ZZZ3: variants seen among roughly 807,000 people sequenced by gnomAD.
The protein encoded by ZZZ3 is ZZ-type zinc finger-containing protein 3.
In ZZZ3, 22 loss-of-function variants were observed where a neutral mutation model predicts 95.2. The observed-to-expected ratio is 0.23, with a 90% CI of 0.17 to 0.33. ZZZ3 has a LOEUF of 0.33. Ranked by LOEUF, ZZZ3 falls within the 10% of genes least tolerant of loss-of-function variation. ZZZ3 has a pLI of 1.00. For synonymous variants in ZZZ3, 335 were observed against 358.9 expected, an observed-to-expected ratio of 0.93 and a Z score of 0.75; for missense variants, 885 against 1,066.5, an observed-to-expected ratio of 0.83 and a Z score of 2.37.
intron 1 of ZZZ3, among the ~76,000 whole-genome samples, chr1:77,667,596 C>T (rs561934427): frequency 6.6e-6 from 1 of 152,056 alleles, no homozygotes; most frequent in Admixed American, 6.6e-5. Context: ...TTCTTTTTTT[C>T]CTCCCCATTT....
rs115001363 is a variant in ZZZ3 at position 77,661,078 on chromosome 1, T to C, written c.-402-19423A>G. Among the ~76,000 whole-genome samples the C allele has an allele frequency of 3.4e-3, 512 of 149,766 alleles. 2 individuals carry two copies. Among genetic ancestry groups the C allele is most frequent in the African/African-American group, 0.011 (440 of 40,686 alleles). ...CGCAAAAAAAAAAAAAAAAAAATCA[T>C]TGAATGCCCTTTAGGAAAATCACTC... On this transcript the variant is annotated intron_variant, in intron 1 of 14. Transcript: ENST00000370801.
Position 77,616,381 on chromosome 1 carries a change from T to C in ZZZ3, c.1505+15469A>G, listed in dbSNP as rs141554283. On this transcript the variant is annotated intron_variant, in intron 5 of 14. Coordinates refer to ENST00000370801, the MANE Select transcript of ZZZ3 (RefSeq NM_015534.6). ...TTCAAGACTGTTAAGTAAATGTCCATTGAACCCTGTAGTTTCTCTAAATGT... is the reference window on the plus strand; with the variant it reads ...TTCAAGACTGTTAAGTAAATGTCCACTGAACCCTGTAGTTTCTCTAAATGT... Among the ~76,000 whole-genome samples, 229 of 152,348 alleles carry C rather than the reference T, an allele frequency of 1.5e-3. 2 individuals are homozygous for C. The highest frequency in any genetic ancestry group is 5.1e-3 in the African/African-American group (213 of 41,582).
chr1:77,582,265 G>T, intron 6 of ZZZ3, 139 bp from the exon 7 acceptor site: 1 of 680,102 alleles, frequency 1.5e-6, no homozygotes, highest in Non-Finnish European at 2.3e-6. Context: ...AAATCCAAGA[G>T]ACAATAAAGT....
chr1:77,669,463 T>G (rs1028162515), intron 1 of ZZZ3, among the ~76,000 whole-genome samples: 10 of 150,542 alleles, frequency 6.6e-5, no homozygotes, highest in Admixed American at 6.6e-5. Context: ...AGTTTTTTTT[T>G]TTTTTTTTTT....
intron 5 of ZZZ3, among the ~76,000 whole-genome samples, chr1:77,617,932 A>G (rs545249976): frequency 6.6e-6 from 1 of 152,232 alleles, no homozygotes; most frequent in Non-Finnish European, 1.5e-5. Flanking sequence ...GTGACAGAGC[A>G]AAACTCCATC....
intron 3 of ZZZ3, among the ~76,000 whole-genome samples, chr1:77,640,645 T>A (rs1668701931): frequency 1.3e-5 from 2 of 149,538 alleles, no homozygotes; most frequent in Non-Finnish European, 3.0e-5. Flanking sequence ...GCTAAATGGG[T>A]TACTATGAGT....
At chr1:77,642,471 T>C (rs950575908) in intron 1 of ZZZ3, among the ~76,000 whole-genome samples, 1 of 152,088 alleles carries the variant, frequency 6.6e-6, no homozygotes, top group African/African-American at 2.4e-5. Flanking sequence ...TAGCAAGGCA[T>C]GGTGGCTCAT....
At chr1:77,634,604 C>T (rs1668131784) in intron 4 of ZZZ3, among the ~76,000 whole-genome samples, 1 of 152,110 alleles carries the variant, frequency 6.6e-6, no homozygotes, top group Admixed American at 6.5e-5. Flanking sequence ...TCCTGTAATC[C>T]CACCCTTTCC....
intron 1 of ZZZ3, among the ~76,000 whole-genome samples, chr1:77,658,178 C>CAAA (rs1186224710): frequency 2.4e-3 from 179 of 76,090 alleles, no homozygotes; most frequent in East Asian, 4.9e-3. Flanking sequence ...GACTTTGTCT[C>CAAA]AAAAAAAAAA....
intron 4 of ZZZ3, among the ~76,000 whole-genome samples, chr1:77,634,823 T>C (rs1469719228): frequency 6.6e-6 from 1 of 152,164 alleles, no homozygotes; most frequent in Non-Finnish European, 1.5e-5. Flanking sequence ...AAAGGAGCTG[T>C]TAATATTTGA....
chr1:77,573,192 T>G (rs1661582381), intron 12 of ZZZ3, among the ~76,000 whole-genome samples: 1 of 152,176 alleles, frequency 6.6e-6, no homozygotes, highest in Non-Finnish European at 1.5e-5. Flanking sequence ...CAATCCCAGC[T>G]CCTGGCAACC....
At chr1:77,615,134 G>A (rs1666185509) in intron 5 of ZZZ3, among the ~76,000 whole-genome samples, 1 of 152,152 alleles carries the variant, frequency 6.6e-6, no homozygotes, top group Admixed American at 6.5e-5. Context: ...ACAATTCAAG[G>A]AAGCTTTCTT....
At chr1:77,663,074 C>T (rs981912221) in intron 1 of ZZZ3, among the ~76,000 whole-genome samples, 1 of 151,376 alleles carries the variant, frequency 6.6e-6, no homozygotes, top group Non-Finnish European at 1.5e-5. Flanking sequence ...TACTGCACTC[C>T]AGGCTGGGTA....
At chr1:77,598,493 A>G (rs1488922466) in intron 5 of ZZZ3, among the ~76,000 whole-genome samples, 1 of 152,128 alleles carries the variant, frequency 6.6e-6, no homozygotes, top group Non-Finnish European at 1.5e-5. Context: ...AAATTTATCA[A>G]CCTTCCTTGT....
chr1:77,597,839 G>A (rs1241421280), intron 5 of ZZZ3, among the ~76,000 whole-genome samples: 1 of 151,846 alleles, frequency 6.6e-6, no homozygotes, highest in Non-Finnish European at 1.5e-5. Flanking sequence ...AAGGACATTA[G>A]GTAAAAACTA....
chr1:77,603,555 G>A (rs1360717539), intron 5 of ZZZ3, among the ~76,000 whole-genome samples: 1 of 152,186 alleles, frequency 6.6e-6, no homozygotes, highest in East Asian at 1.9e-4. Context: ...GTTTCCCAAA[G>A]CGGTGTAAGG....
At chr1:77,593,490 C>A (rs1166547712) in intron 5 of ZZZ3, among the ~76,000 whole-genome samples, 1 of 152,036 alleles carries the variant, frequency 6.6e-6, no homozygotes, top group Non-Finnish European at 1.5e-5. Context: ...TAAAAGGATA[C>A]ACATATAGGT....
In ZZZ3 at chr1:77,565,528, T is replaced by C. The variant is rs954049673; in HGVS notation, c.*112A>G. Reference sequence around the variant, plus strand: ...GAGAACACTCAGGAAGCTCTCATGCTGTGAGTGTCATTTCTGGGAAAGCAG... The same window carrying C: ...GAGAACACTCAGGAAGCTCTCATGCCGTGAGTGTCATTTCTGGGAAAGCAG... On this transcript the variant is annotated 3_prime_UTR_variant, in exon 15 of 15. Coordinates refer to ENST00000370801, the MANE Select transcript of ZZZ3 (RefSeq NM_015534.6). 2 of 1,179,328 alleles carry C rather than the reference T, an allele frequency of 1.7e-6. No individual in the cohort carries two copies. Among genetic ancestry groups the C allele is most frequent in the East Asian group, 4.8e-5 (2 of 41,540 alleles). The allele number at this position is 1,179,328 out of a possible 1,614,324, so 73.1% of individuals were successfully genotyped here.
rs11355685 is a variant in ZZZ3, at chr1:77,568,641, CTTT to C, written c.2332-178_2332-176del. On this transcript the variant is annotated intron_variant, in intron 12 of 14. Transcript: ENST00000370801. The stretch of plus-strand genomic sequence containing the variant: ...AGTATTTTCCACTAATGCTTTTGGA[CTTT>C]TTTTTTTTTTTTTTTTTAACACAAC... Among the ~76,000 whole-genome samples the C allele has an allele frequency of 1.0e-3, 127 of 125,796 alleles. 2 individuals carry two copies. The East Asian group carries it at 0.014, about 14-fold the overall frequency. 82.5% of individuals were successfully genotyped at this position (125,796 alleles called of 152,430 possible).
Sources: allele counts gnomAD v4.1 joint callset (sites outside exome capture counted in the v4.1 genomes callset), GRCh38; gene constraint gnomAD v4.1.1; transcripts MANE v1.5; gene names NCBI Gene and HGNC (gene_info 2026-07-23, HGNC 2026-07-21).